The following COL22A1 variants were observed in gnomAD, a reference collection of about 807,000 sequenced individuals.
COL22A1 encodes collagen alpha-1(XXII) chain.
A neutral mutation model predicts 248.9 loss-of-function variants in COL22A1; 221 were observed. The observed-to-expected ratio is 0.89, with a 90% CI of 0.80 to 0.99. The LOEUF (loss-of-function observed/expected upper bound fraction) is 0.99. COL22A1 is among the 50% of genes least tolerant of loss of function. COL22A1 has a pLI of 0.00. For missense variants in COL22A1, 2,240 were observed against 2,179.0 expected, an observed-to-expected ratio of 1.03 and a Z score of -0.56; for synonymous variants, 891 against 793.4, an observed-to-expected ratio of 1.12 and a Z score of -2.07.
intron 44 of COL22A1, among the ~76,000 whole-genome samples, chr8:138,658,873 C>T (rs1446269341): frequency 1.1e-4 from 17 of 152,018 alleles, no homozygotes; most frequent in Non-Finnish European, 2.1e-4. Context: ...CAGATCTTCT[C>T]TCTTCTCTCT....
At chr8:138,611,716 C>T (rs1818879014) in intron 56 of COL22A1, among the ~76,000 whole-genome samples, 1 of 152,218 alleles carries the variant, frequency 6.6e-6, no homozygotes, top group Non-Finnish European at 1.5e-5. Context: ...ACCCAGGGAG[C>T]CTGGGCTTCA....
intron 41 of COL22A1, among the ~76,000 whole-genome samples, chr8:138,665,703 A>T (rs1170608339): frequency 6.6e-6 from 1 of 152,240 alleles, no homozygotes; most frequent in Non-Finnish European, 1.5e-5. Flanking sequence ...CACCACAAGG[A>T]CATAACAAGT....
chr8:138,876,240 A>T (rs1361981107), intron 3 of COL22A1, among the ~76,000 whole-genome samples: 2 of 152,022 alleles, frequency 1.3e-5, no homozygotes, highest in Non-Finnish European at 2.9e-5. Context: ...ACTCCATCGC[A>T]TCCTTCTCAA....
chr8:138,740,381 C>T (rs1329795736), intron 22 of COL22A1, among the ~76,000 whole-genome samples: 1 of 152,096 alleles, frequency 6.6e-6, no homozygotes, highest in African/African-American at 2.4e-5. Context: ...CATTAAGATG[C>T]CGTTGTGGTC....
intron 46 of COL22A1, among the ~76,000 whole-genome samples, chr8:138,647,076 G>T (rs917240134): frequency 6.6e-6 from 1 of 152,110 alleles, no homozygotes; most frequent in African/African-American, 2.4e-5. Context: ...TCCCACCTTG[G>T]CCTGCTACCA....
rs757940332 is a variant in COL22A1, at chr8:138,821,298, G to C, written c.1083C>G (p.Asp361Glu). 2 of 1,614,188 alleles carry C rather than the reference G, an allele frequency of 1.2e-6. No individual in the cohort carries two copies. The highest frequency in any genetic ancestry group is 1.7e-6 in the Non-Finnish European group (2 of 1,180,034). ...TCAGGGCCATCTTGTGCCAGTCCCGGTCAAAGAGGTCATTGACCCGAGAAC... is the reference window on the plus strand; with the variant it reads ...TCAGGGCCATCTTGTGCCAGTCCCGCTCAAAGAGGTCATTGACCCGAGAAC... ...FRGSRVNDLF[D>E]RDWHKMALSI... is the part of the protein sequence containing the mutation. Residue 361 changes from aspartate (D) to glutamate (E), a missense_variant, in exon 7 of 65, where the codon GAC (aspartate) becomes GAG (glutamate). Coordinates refer to ENST00000303045, the MANE Select transcript of COL22A1 (RefSeq NM_152888.3).
intron 12 of COL22A1, among the ~76,000 whole-genome samples, chr8:138,787,249 C>T (rs1815614679): frequency 6.8e-6 from 1 of 147,816 alleles, no homozygotes; most frequent in Non-Finnish European, 1.5e-5. Context: ...TAAGGATCCA[C>T]AATAAAGCAC....
chr8:138,793,953 G>A (rs1424570321), intron 12 of COL22A1, among the ~76,000 whole-genome samples: 1 of 152,218 alleles, frequency 6.6e-6, no homozygotes, highest in Non-Finnish European at 1.5e-5. Flanking sequence ...GTATTGCCTG[G>A]CAGGTACAAC....
chr8:138,604,691 TG>T, intron 59 of COL22A1, 42 bp downstream of exon 59: 1 of 1,585,336 alleles, frequency 6.3e-7, no homozygotes, highest in Non-Finnish European at 8.7e-7. Flanking sequence ...TGCCCATTGG[TG>T]GTAAAGGGTT....
At chr8:138,635,942 G>C (rs1422038044) in intron 48 of COL22A1, among the ~76,000 whole-genome samples, 2 of 152,200 alleles carry the variant, frequency 1.3e-5, no homozygotes. Context: ...AGCCCAGTGA[G>C]GTCAGGAGTT....
intron 30 of COL22A1, among the ~76,000 whole-genome samples, chr8:138,707,750 A>G (rs1027603117): frequency 3.3e-5 from 5 of 152,050 alleles, no homozygotes; most frequent in African/African-American, 1.2e-4. Context: ...CTCTCTCACC[A>G]CTCCTATTCA....
intron 23 of COL22A1, among the ~76,000 whole-genome samples, chr8:138,725,744 C>T (rs1282677329): frequency 8.0e-5 from 12 of 149,200 alleles, no homozygotes; most frequent in African/African-American, 3.0e-4. Context: ...TATGTGTGCA[C>T]ATGTGCAGAC....
intron 4 of COL22A1, among the ~76,000 whole-genome samples, chr8:138,837,863 G>A (rs1820555350): frequency 6.6e-6 from 1 of 152,152 alleles, no homozygotes; most frequent in African/African-American, 2.4e-5. Context: ...CCCATTCTAG[G>A]TTCAAAACCT....
At chr8:138,879,690 CAAAAAAAAA>C (rs372214665) in intron 2 of COL22A1, among the ~76,000 whole-genome samples, 27 of 99,044 alleles carry the variant, frequency 2.7e-4, no homozygotes, top group Admixed American at 8.7e-4. Flanking sequence ...GACACTCTCT[CAAAAAAAAA>C]AAAAAAAAAA....
intron 56 of COL22A1, among the ~76,000 whole-genome samples, chr8:138,611,018 A>G (rs1301817515): frequency 6.6e-6 from 1 of 152,182 alleles, no homozygotes; most frequent in East Asian, 1.9e-4. Context: ...GTTAACCGTG[A>G]TCATGCCACT....
chr8:138,736,034 C>CT (rs1055205942), intron 23 of COL22A1, among the ~76,000 whole-genome samples: 1 of 152,100 alleles, frequency 6.6e-6, no homozygotes, highest in African/African-American at 2.4e-5. Context: ...TGCCCACCTG[C>CT]TTGGTGCCAA....
At chr8:138,797,042 T>A (rs1034908176) in intron 11 of COL22A1, among the ~76,000 whole-genome samples, 185 bp from the exon 12 acceptor site, 5 of 152,232 alleles carry the variant, frequency 3.3e-5, no homozygotes, top group South Asian at 4.1e-4. Context: ...ATCATCTCAC[T>A]TAATGTTTCC....
intron 7 of COL22A1, among the ~76,000 whole-genome samples, chr8:138,814,185 T>C (rs528962544): frequency 6.6e-6 from 1 of 152,312 alleles, no homozygotes; most frequent in Admixed American, 6.5e-5. Context: ...TCTAACCACA[T>C]GGCAAACCAC....
At chr8:138,750,600 C>T (rs1020596893) in intron 22 of COL22A1, among the ~76,000 whole-genome samples, 10 of 152,174 alleles carry the variant, frequency 6.6e-5, no homozygotes, top group African/African-American at 2.2e-4. Context: ...GGCTGCCTCT[C>T]CCAGATGCCA....
Sources: allele counts gnomAD v4.1 joint callset (sites outside exome capture counted in the v4.1 genomes callset), GRCh38; gene constraint gnomAD v4.1.1; transcripts MANE v1.5; gene names NCBI Gene and HGNC (gene_info 2026-07-23, HGNC 2026-07-21).